Variants in SEC14L6 observed in about 807,000 individuals in gnomAD.
SEC14L6 encodes SEC14 like lipid binding 6, also known as SEC14-like protein 6.
A neutral mutation model predicts 54.1 loss-of-function variants in SEC14L6; 40 were observed. That is an observed-to-expected ratio of 0.74 (90% CI 0.57 to 0.96). The LOEUF is 0.96. Among genes scored for constraint, SEC14L6 ranks in the 40% least tolerant of loss-of-function variants. The pLI is 0.00. For synonymous variants in SEC14L6, 171 were observed against 198.4 expected (o/e 0.86, Z 1.16); for missense variants, 471 against 498.3 (o/e 0.95, Z 0.52).
intron 1 of SEC14L6, chr22:30,543,451 C>T (rs536861513): frequency 1.2e-5 from 19 of 1,611,682 alleles, no homozygotes; most frequent in Middle Eastern, 1.7e-4. Context: ...CAATGTGTCC[C>T]GGACAGAAAC....
At chr22:30,533,004 G>A in intron 3 of SEC14L6, 148 bp from the exon 4 acceptor site, 1 of 1,487,206 alleles carries the variant, frequency 6.7e-7, no homozygotes, top group South Asian at 1.4e-5. Context: ...AGAACTGGGG[G>A]ATGGAAACAG....
At chr22:30,543,651 C>G (rs754695722) in intron 1 of SEC14L6, 1 of 1,612,832 alleles carries the variant, frequency 6.2e-7, no homozygotes, top group Non-Finnish European at 8.5e-7. Flanking sequence ...CAAATACCGC[C>G]GCTGAGAACA....
Position 30,524,685 on chromosome 22 carries a change from T to G in SEC14L6, c.*312A>C. ...AGCCACCATGCCTGGCCTAATACTA[T>G]ATTTTAGAAGAGTAACTTATTTCTT... On this transcript the variant is annotated 3_prime_UTR_variant, in exon 12 of 12. Transcript: ENST00000402034. 4.0e-6 allele frequency: 1 copy of G among 250,446 alleles called. No homozygotes were observed. Among genetic ancestry groups the G allele is most frequent in the Non-Finnish European group, 7.9e-6 (1 of 126,546 alleles). The allele number at this position is 250,446 out of a possible 1,614,324, so 15.5% of individuals were successfully genotyped here.
rs1420372045 is a variant in SEC14L6 at position 30,525,091 on chromosome 22, T to C, written c.1100A>G (p.Asn367Ser). 2 of 1,547,454 alleles carry C rather than the reference T, an allele frequency of 1.3e-6. No individual in the cohort carries two copies. The highest frequency in any genetic ancestry group is 2.0e-5 in the Admixed American group (1 of 50,986). ...TTTAGAATGAACCAGGCTGTAGGTG[T>C]TGTAAAACCTCAGGACATCTGCAGT... is the stretch of plus-strand genomic sequence containing the variant. Reference protein sequence around the residue: ...QAGSYVLRFYNTYSLVHSKRI... With the variant: ...QAGSYVLRFYSTYSLVHSKRI... Residue 367 changes from asparagine to serine, a missense_variant, in exon 12 of 12, where the codon AAC becomes AGC. Physicochemically the swap from Asn to Ser is conservative, Grantham distance 46 (BLOSUM62 1). Coordinates refer to ENST00000402034, the MANE Select transcript of SEC14L6 (RefSeq NM_001193336.4).
Position 30,538,916 on chromosome 22 carries a change from G to C in SEC14L6, c.55-14C>G. The C allele has an allele frequency of 1.3e-6, 2 of 1,546,854 alleles. No homozygotes were observed. The highest frequency in any genetic ancestry group is 1.2e-5 in the South Asian group (1 of 83,934). On this transcript the variant is annotated splice_polypyrimidine_tract_variant and intron_variant, in intron 1 of 11. Coordinates refer to ENST00000402034, the MANE Select transcript of SEC14L6 (RefSeq NM_001193336.4). ...GTTCTCCCGGAACTGAGGACAGACA[G>C]GGAGAGACCTGGGTCAGAGGCCAAC... is the stretch of plus-strand genomic sequence containing the variant.
rs1287527937 is a variant in SEC14L6, at chr22:30,524,379, T to G, written c.*618A>C. 1 of 152,074 alleles carries G rather than the reference T, an allele frequency of 6.6e-6. No homozygotes were observed. Among genetic ancestry groups the G allele is most frequent in the Non-Finnish European group, 1.5e-5 (1 of 68,052 alleles). The allele number at this position is 152,074 out of a possible 1,614,324, so 9.4% of individuals were successfully genotyped here. On this transcript the variant is annotated 3_prime_UTR_variant, in exon 12 of 12. Transcript: ENST00000402034. ...TTTCAAATTTCCTATTAATACTATT[T>G]TATTTTATTTTTTTGAGACAGAGTC...
rs376256586 is a variant in SEC14L6, at chr22:30,538,865, G to C, written c.92C>G (p.Pro31Arg). Residue 31 changes from proline to arginine, a missense_variant, in exon 2 of 12, where the codon CCC becomes CGC. Physicochemically the swap from Pro to Arg is moderately radical, Grantham distance 103. Coordinates refer to ENST00000402034, the MANE Select transcript of SEC14L6 (RefSeq NM_001193336.4). Reference protein sequence around the residue: ...ENIQDVLSALPNPDDYFLLRW... With the variant: ...ENIQDVLSALRNPDDYFLLRW... ...CAGGAGGAAGTAGTCATCAGGATTG[G>C]GCAGCGCAGATAGCACATCTTGGAT... The C allele has an allele frequency of 6.4e-7, 1 of 1,557,400 alleles. No individual in the cohort carries two copies. The highest frequency in any genetic ancestry group is 8.7e-7 in the Non-Finnish European group (1 of 1,149,976).
intron 3 of SEC14L6, among the ~76,000 whole-genome samples, chr22:30,533,474 G>A (rs1247084123): frequency 2.0e-5 from 3 of 152,114 alleles, no homozygotes; most frequent in Non-Finnish European, 4.4e-5. Context: ...GGTAGTGCAT[G>A]CCTGTAATCC....
chr22:30,538,928 G>A (rs766600756), intron 1 of SEC14L6, 26 bp from the exon 2 acceptor site: 10 of 1,518,034 alleles, frequency 6.6e-6, no homozygotes, highest in Non-Finnish European at 8.1e-6. Context: ...GAGAGACCTG[G>A]GTCAGAGGCC....
chr22:30,545,483 C>T (rs996204823), intron 1 of SEC14L6, among the ~76,000 whole-genome samples: 4 of 152,104 alleles, frequency 2.6e-5, no homozygotes, highest in Non-Finnish European at 4.4e-5. Flanking sequence ...CAGTCTCGAC[C>T]TCCTAGGCTC....
At chr22:30,541,149 G>A (rs1288551156) in intron 1 of SEC14L6, among the ~76,000 whole-genome samples, 1 of 151,642 alleles carries the variant, frequency 6.6e-6, no homozygotes, top group Admixed American at 6.6e-5. Flanking sequence ...TTTATACTTT[G>A]TTTTCTTTTT....
At chr22:30,542,593 C>A in intron 1 of SEC14L6, 1 of 1,499,582 alleles carries the variant, frequency 6.7e-7, no homozygotes, top group Non-Finnish European at 8.9e-7. Flanking sequence ...CGGGCCGGTC[C>A]CCGGCCGCCT....
chr22:30,546,569 C>G (rs1161201634), intron 1 of SEC14L6, 60 bp downstream of exon 1: 4 of 1,459,748 alleles, frequency 2.7e-6, no homozygotes. Flanking sequence ...TTGAGTCCTG[C>G]CCTTCCCCGT....
At chr22:30,525,964 G>C (rs1936766220) in intron 8 of SEC14L6, 32 bp from the exon 9 acceptor site, 2 of 1,563,242 alleles carry the variant, frequency 1.3e-6, no homozygotes, top group Admixed American at 1.9e-5. Flanking sequence ...ACTCCAAAGG[G>C]ACTCAGGAGA....
chr22:30,544,333 G>T (rs2085776478), intron 1 of SEC14L6: 1 of 370,274 alleles, frequency 2.7e-6, no homozygotes, highest in Non-Finnish European at 5.0e-6. Context: ...GACCTGGGAA[G>T]CGGCCAGAAC....
intron 8 of SEC14L6, among the ~76,000 whole-genome samples, chr22:30,528,441 T>TTTTTTTTTTTTTG (rs1936854816): frequency 6.9e-6 from 1 of 145,648 alleles, no homozygotes; most frequent in African/African-American, 2.6e-5. Flanking sequence ...TTTTTTTTTT[T>TTTTTTTTTTTTTG]GAGATAGGGT....
intron 8 of SEC14L6, among the ~76,000 whole-genome samples, chr22:30,527,818 G>A (rs2146245881): frequency 6.6e-6 from 1 of 150,986 alleles, no homozygotes; most frequent in East Asian, 1.9e-4. Flanking sequence ...AACTGTGGAT[G>A]TGTACAAAGG....
At chr22:30,532,214 G>A (rs1937001611) in intron 5 of SEC14L6, 2 of 985,478 alleles carry the variant, frequency 2.0e-6, no homozygotes, top group Non-Finnish European at 2.4e-6. Context: ...CCAAATCGCT[G>A]TGTTGCAGTT....
At chr22:30,539,943 C>T (rs1303644059) in intron 1 of SEC14L6, among the ~76,000 whole-genome samples, 1 of 152,190 alleles carries the variant, frequency 6.6e-6, no homozygotes, top group Non-Finnish European at 1.5e-5. Flanking sequence ...TAGGCTAAAG[C>T]CAGCCTCCAA....
Sources: gnomAD v4.1 joint callset for allele counts (sites outside exome capture counted in the v4.1 genomes callset) on GRCh38, gnomAD v4.1.1 for gene constraint, MANE v1.5 for transcripts, NCBI Gene and HGNC (gene_info 2026-07-23, HGNC 2026-07-21) for gene names.